Variants in CCSER2 observed in about 807,000 individuals in gnomAD.
CCSER2 encodes coiled-coil serine rich protein 2.
CCSER2 carries 46 observed loss-of-function variants against 92.3 expected under a neutral mutation model. The observed-to-expected ratio is 0.50, with a 90% CI of 0.39 to 0.64. The LOEUF (loss-of-function observed/expected upper bound fraction) is 0.64. Among genes scored for constraint, CCSER2 ranks in the 30% least tolerant of loss-of-function variants. The probability of loss-of-function intolerance (pLI) is 0.00; values close to 1 mark genes in which losing one functional copy is unlikely to be tolerated. For synonymous variants in CCSER2, 433 were observed against 431.4 expected (o/e 1.00, Z -0.04); for missense variants, 1,244 against 1,238.9 (o/e 1.00, Z -0.06).
intron 9 of CCSER2, among the ~76,000 whole-genome samples, chr10:84,493,499 A>G (rs1848281621): frequency 6.6e-6 from 1 of 152,248 alleles, no homozygotes; most frequent in South Asian, 2.1e-4. Context: ...TAAAGAAACA[A>G]AAGAATTGTT....
intron 9 of CCSER2, among the ~76,000 whole-genome samples, chr10:84,512,011 G>C (rs1054067726): frequency 1.3e-5 from 2 of 152,048 alleles, no homozygotes; most frequent in Non-Finnish European, 2.9e-5. Flanking sequence ...AGTAGTCACT[G>C]TCTTGATTTT....
rs552438320 is a variant in CCSER2, at chr10:84,483,176, G to A, written c.2325+5512G>A. Among the ~76,000 whole-genome samples, 11 of 152,068 alleles carry A rather than the reference G, an allele frequency of 7.2e-5. No homozygotes were observed. The South Asian group carries it at 1.2e-3, about 17-fold the overall frequency. On this transcript the variant is annotated intron_variant, in intron 9 of 9. Transcript: ENST00000372088. The stretch of plus-strand genomic sequence containing the variant: ...GGGAGGCTGAGGCGGGTGGATCACC[G>A]GAGGCTGGGAGTTTGAGACCAGCCT...
chr10:84,438,596 TGATGTACCA>T lies in CCSER2; in HGVS notation c.1956_1964del (p.Asp652_Pro654del), dbSNP rs780364395. 3 of 1,613,544 alleles carry T rather than the reference TGATGTACCA, an allele frequency of 1.9e-6. No homozygotes were observed. The East Asian group carries it at 6.7e-5, about 36-fold the overall frequency. ...TTTTCCAGGCTCAGAAGATGTTTGT[TGATGTACCA>T]GAAAATACAGTGATACTGGATGAGA... On this transcript the variant is annotated inframe_deletion, in exon 6 of 10. Transcript: ENST00000372088.
intron 6 of CCSER2, among the ~76,000 whole-genome samples, chr10:84,440,482 C>T (rs1400304674): frequency 6.6e-6 from 1 of 152,066 alleles, no homozygotes; most frequent in Admixed American, 6.5e-5. Context: ...AAAATTCATA[C>T]ACTATTCGAA....
At chr10:84,370,262 G>T (rs138025642) in intron 1 of CCSER2, among the ~76,000 whole-genome samples, 119 of 152,252 alleles carry the variant, frequency 7.8e-4, no homozygotes, top group African/African-American at 2.8e-3. Context: ...TAATGCATGA[G>T]TGTGGGATGT....
intron 6 of CCSER2, among the ~76,000 whole-genome samples, chr10:84,447,426 T>C (rs1054072100): frequency 8.5e-5 from 13 of 152,348 alleles, no homozygotes; most frequent in African/African-American, 2.4e-4. Flanking sequence ...GAGATTTTTG[T>C]ATATTCTAGA....
chr10:84,463,065 G>A (rs1189520196), intron 6 of CCSER2, among the ~76,000 whole-genome samples: 3 of 152,138 alleles, frequency 2.0e-5, no homozygotes, highest in Admixed American at 6.5e-5. Context: ...TTCTTCACTG[G>A]TTCATTTTTC....
chr10:84,361,990 C>G (rs772370028), intron 1 of CCSER2, among the ~76,000 whole-genome samples: 6 of 152,160 alleles, frequency 3.9e-5, no homozygotes, highest in Non-Finnish European at 8.8e-5. Flanking sequence ...TAGATGTTTA[C>G]AAAATGTTTC....
intron 4 of CCSER2, among the ~76,000 whole-genome samples, chr10:84,422,563 C>T (rs1175454690): frequency 1.3e-5 from 2 of 152,234 alleles, no homozygotes; most frequent in South Asian, 2.1e-4. Context: ...GGGTTCTCAA[C>T]TCATAGTTAG....
chr10:84,475,046 A>G (rs1847055540), intron 8 of CCSER2, among the ~76,000 whole-genome samples: 1 of 152,170 alleles, frequency 6.6e-6, no homozygotes, highest in Non-Finnish European at 1.5e-5. Flanking sequence ...TGTGTGTCAC[A>G]TTCTCACACA....
chr10:84,330,684 T>G (rs192826425), intron 1 of CCSER2, among the ~76,000 whole-genome samples: 2 of 152,266 alleles, frequency 1.3e-5, no homozygotes, highest in East Asian at 3.9e-4. Flanking sequence ...GGCTAATTTT[T>G]TTTTAGTAGA....
intron 3 of CCSER2, 88 bp from the exon 4 acceptor site, chr10:84,417,683 G>C: frequency 1.5e-6 from 1 of 672,462 alleles, no homozygotes; most frequent in Non-Finnish European, 2.8e-6. Flanking sequence ...GTGAATTCAG[G>C]ATATCATATA....
intron 9 of CCSER2, among the ~76,000 whole-genome samples, chr10:84,487,513 A>G (rs966251478): frequency 3.9e-5 from 6 of 152,116 alleles, no homozygotes; most frequent in African/African-American, 7.2e-5. Context: ...GCAATTGTGA[A>G]TGGGAGTTCT....
intron 6 of CCSER2, among the ~76,000 whole-genome samples, chr10:84,448,706 A>G (rs1243256765): frequency 3.9e-5 from 6 of 152,232 alleles, no homozygotes; most frequent in African/African-American, 1.4e-4. Context: ...TTCTGTACTG[A>G]TAAAGTTCCT....
At chr10:84,495,173 T>G (rs575592149) in intron 9 of CCSER2, among the ~76,000 whole-genome samples, 1 of 143,772 alleles carries the variant, frequency 7.0e-6, no homozygotes, top group Non-Finnish European at 1.5e-5. Context: ...CAGTTTGATA[T>G]GGTTTTTTTT....
intron 4 of CCSER2, among the ~76,000 whole-genome samples, chr10:84,420,188 C>T (rs1181835609): frequency 6.6e-6 from 1 of 152,138 alleles, no homozygotes; most frequent in Non-Finnish European, 1.5e-5. Flanking sequence ...CAGAAAGTTA[C>T]CCAAATATTA....
chr10:84,480,814 A>G (rs993907164), intron 9 of CCSER2, among the ~76,000 whole-genome samples: 7 of 152,120 alleles, frequency 4.6e-5, no homozygotes, highest in Non-Finnish European at 2.9e-5. Flanking sequence ...TGTCATCTCT[A>G]TTTAGATGGG....
At chr10:84,484,916 G>A (rs1413015710) in intron 9 of CCSER2, among the ~76,000 whole-genome samples, 1 of 152,044 alleles carries the variant, frequency 6.6e-6, no homozygotes, top group East Asian at 1.9e-4. Flanking sequence ...GTTTCTTAAG[G>A]ATACGAACAA....
intron 9 of CCSER2, among the ~76,000 whole-genome samples, chr10:84,492,978 T>C (rs534942774): frequency 1.9e-4 from 29 of 152,328 alleles, no homozygotes; most frequent in Admixed American, 1.8e-3. Flanking sequence ...GCCTCATAAA[T>C]ACTTTGGAAG....
Sources: gnomAD v4.1 joint callset for allele counts (sites outside exome capture counted in the v4.1 genomes callset) on GRCh38, gnomAD v4.1.1 for gene constraint, MANE v1.5 for transcripts, NCBI Gene and HGNC (gene_info 2026-07-23, HGNC 2026-07-21) for gene names.